Variants in ATP5F1E observed in about 807,000 individuals in gnomAD.
ATP5F1E encodes the protein ATP synthase F1 subunit epsilon.
In ATP5F1E, 5 loss-of-function variants were observed where a neutral mutation model predicts 7.0. The observed-to-expected ratio is 0.71, with a 90% confidence interval of 0.37 to 1.49. ATP5F1E has a LOEUF of 1.49. Ranked by LOEUF, ATP5F1E falls within the 40% of genes most tolerant of loss-of-function variation. The pLI is 0.03. For synonymous variants in ATP5F1E, 20 were observed against 20.1 expected, an observed-to-expected ratio of 0.99 and a Z score of 0.02; for missense variants, 59 against 57.1, an observed-to-expected ratio of 1.03 and a Z score of -0.11.
rs1795388052 is a variant in ATP5F1E, at chr20:59,027,466, G to A, written c.*1379C>T. 1 of 152,040 alleles carries A rather than the reference G, an allele frequency of 6.6e-6. No individual in the cohort carries two copies. Among genetic ancestry groups the A allele is most frequent in the South Asian group, 2.1e-4 (1 of 4,826 alleles). 9.4% of individuals were successfully genotyped at this position (152,040 alleles called of 1,614,324 possible). A position where few individuals can be genotyped will look rare whatever the true frequency, so the allele number is the denominator to read the frequency against. On this transcript the variant is annotated 3_prime_UTR_variant, in exon 3 of 3. Coordinates refer to ENST00000243997, the MANE Select transcript of ATP5F1E (RefSeq NM_006886.4). Reference sequence around the variant, plus strand: ...TACCCCATCTGCCTCCTTAATAAATGACTTATCTCTAATTACTTGACTGGA... The same window carrying A: ...TACCCCATCTGCCTCCTTAATAAATAACTTATCTCTAATTACTTGACTGGA...
rs1411534280 is a variant in ATP5F1E at position 59,027,265 on chromosome 20, C to A, written c.*1580G>T. The stretch of plus-strand genomic sequence containing the variant: ...ACCAATCTACTATGCCATCTATATA[C>A]CAGTAATACCCCATCTGCCTCAACA... On this transcript the variant is annotated 3_prime_UTR_variant, in exon 3 of 3. Coordinates refer to ENST00000243997, the MANE Select transcript of ATP5F1E (RefSeq NM_006886.4). 1.3e-5 allele frequency: 2 copies of A among 152,080 alleles called. No homozygotes were observed. Among genetic ancestry groups the A allele is most frequent in the African/African-American group, 4.8e-5 (2 of 41,370 alleles). 9.4% of individuals were successfully genotyped at this position (152,080 alleles called of 1,614,324 possible).
intron 1 of ATP5F1E, 24 bp downstream of exon 1, chr20:59,032,196 T>C: frequency 6.4e-7 from 1 of 1,564,420 alleles, no homozygotes. Flanking sequence ...CGCGAAGCCC[T>C]TCCCTCTGGA....
chr20:59,032,217 T>TA lies in ATP5F1E; in HGVS notation c.32+2dup. ...GCCCTTCCCTCTGGAGGCCTGGGCCTACCTGAGTCCAGCCTGTCTCCAGTA... is the reference window on the plus strand; with the variant it reads ...GCCCTTCCCTCTGGAGGCCTGGGCCTAACCTGAGTCCAGCCTGTCTCCAGTA... On this transcript the variant is annotated splice_region_variant and intron_variant, in intron 1 of 2. Coordinates refer to ENST00000243997, the MANE Select transcript of ATP5F1E (RefSeq NM_006886.4). 1 of 1,583,614 alleles carries TA rather than the reference T, an allele frequency of 6.3e-7. No homozygotes were observed. Among genetic ancestry groups the TA allele is most frequent in the Non-Finnish European group, 8.6e-7 (1 of 1,166,506 alleles).
At position 59,030,254 on chromosome 20, in the gene ATP5F1E, T is replaced by C. The variant is rs917396312; in HGVS notation, c.*3+49A>G. 1.5e-5 allele frequency: 24 copies of C among 1,606,834 alleles called. No individual in the cohort carries two copies. The Admixed American group carries it at 4.0e-4, about 27-fold the overall frequency. On this transcript the variant is annotated intron_variant, in intron 2 of 2. Transcript: ENST00000243997. ...AAAATTATTTTGATCTTTATGGTGC[T>C]CCAAAAACTTAAGATGCAACTGTTC...
At position 59,026,054 on chromosome 20, in the gene ATP5F1E, T is replaced by G. The variant is rs2146379225; in HGVS notation, c.*2791A>C. 1 of 152,318 alleles carries G rather than the reference T, an allele frequency of 6.6e-6. No homozygotes were observed. The highest frequency in any genetic ancestry group is 1.9e-4 in the East Asian group (1 of 5,188). The allele number at this position is 152,318 out of a possible 1,614,324, so 9.4% of individuals were successfully genotyped here. On this transcript the variant is annotated 3_prime_UTR_variant, in exon 3 of 3. Transcript: ENST00000243997. ...TGGATAACCGGTAATGGGAAAATGC[T>G]CCGACCCTCAATGCAGTAAATATTT...
rs549419515 is a variant in ATP5F1E, at chr20:59,031,715, G to C, written c.32+505C>G. ...TGGCTTTCACCCCTTTTAGACATAA[G>C]GAAACCTGAAATCAACAGGACTTAA... On this transcript the variant is annotated intron_variant, in intron 1 of 2. Transcript: ENST00000243997. Among the ~76,000 whole-genome samples, 32 of 152,138 alleles carry C rather than the reference G, an allele frequency of 2.1e-4. No individual in the cohort carries two copies. The South Asian group carries it at 5.8e-3, about 28-fold the overall frequency.
At chr20:59,030,200 T>G in intron 2 of ATP5F1E, 103 bp downstream of exon 2, 17 of 1,458,410 alleles carry the variant, frequency 1.2e-5, no homozygotes, top group Non-Finnish European at 1.3e-5. Context: ...CCAAATACAC[T>G]GACTAAAAAA....
rs1274289353 is a variant in ATP5F1E, at chr20:59,026,177, C to T, written c.*2668G>A. The T allele has an allele frequency of 6.6e-6, 1 of 152,192 alleles. No individual in the cohort carries two copies. The highest frequency in any genetic ancestry group is 6.5e-5 in the Admixed American group (1 of 15,286). The allele number at this position is 152,192 out of a possible 1,614,324, so 9.4% of individuals were successfully genotyped here. On this transcript the variant is annotated 3_prime_UTR_variant, in exon 3 of 3. Coordinates refer to ENST00000243997, the MANE Select transcript of ATP5F1E (RefSeq NM_006886.4). ...GATGACAGTTGCTCATTCTGAGAAACTTCACTCTTTTCACTTATGCATCAC... is the reference window on the plus strand; with the variant it reads ...GATGACAGTTGCTCATTCTGAGAAATTTCACTCTTTTCACTTATGCATCAC...
intron 2 of ATP5F1E, 153 bp from the exon 3 acceptor site, chr20:59,028,994 C>A (rs757883505): frequency 6.5e-6 from 1 of 154,302 alleles, no homozygotes; most frequent in African/African-American, 2.4e-5. Flanking sequence ...AGTGCTGGTT[C>A]AAGTACACAG....
In ATP5F1E at chr20:59,032,294, G is replaced by A. The variant is rs1403787722; in HGVS notation, c.-43C>T. 2.5e-6 allele frequency: 4 copies of A among 1,588,692 alleles called. No homozygotes were observed. The highest frequency in any genetic ancestry group is 1.3e-5 in the African/African-American group (1 of 74,686). On this transcript the variant is annotated 5_prime_UTR_variant, in exon 1 of 3. Coordinates refer to ENST00000243997, the MANE Select transcript of ATP5F1E (RefSeq NM_006886.4). ...GCTCGTCGGGCCGAATCGCCAAGACGCCGGCAATGTCGGCTCAGCCGGGCG... is the reference window on the plus strand; with the variant it reads ...GCTCGTCGGGCCGAATCGCCAAGACACCGGCAATGTCGGCTCAGCCGGGCG...
Position 59,026,439 on chromosome 20 carries a change from C to T in ATP5F1E, c.*2406G>A, listed in dbSNP as rs542298649. 6.6e-6 allele frequency: 1 copy of T among 152,354 alleles called. No homozygotes were observed. Among genetic ancestry groups the T allele is most frequent in the South Asian group, 2.1e-4 (1 of 4,826 alleles). 9.4% of individuals were successfully genotyped at this position (152,354 alleles called of 1,614,324 possible). The stretch of plus-strand genomic sequence containing the variant: ...GCCTGCGATTATACAAGGATTTACA[C>T]ATGCTTCCTCTGGTGCTTTACTTCC... On this transcript the variant is annotated 3_prime_UTR_variant, in exon 3 of 3. Coordinates refer to ENST00000243997, the MANE Select transcript of ATP5F1E (RefSeq NM_006886.4).
intron 1 of ATP5F1E, among the ~76,000 whole-genome samples, chr20:59,031,757 T>A (rs556624144): frequency 1.8e-4 from 28 of 151,834 alleles, no homozygotes; most frequent in Admixed American, 7.2e-4. Flanking sequence ...AAAAAAAAAA[T>A]GTGTAAAGTT....
At chr20:59,029,788 T>C (rs766369441) in intron 2 of ATP5F1E, 12 of 173,872 alleles carry the variant, frequency 6.9e-5, no homozygotes, top group Non-Finnish European at 1.4e-4. Context: ...CAGTATTCGC[T>C]GCGGGGTCTT....
intron 1 of ATP5F1E, 87 bp from the exon 2 acceptor site, chr20:59,030,516 CT>C: frequency 6.5e-7 from 1 of 1,546,328 alleles, no homozygotes; most frequent in Non-Finnish European, 8.9e-7. Context: ...TCTTCCTGTA[CT>C]TTTTATTTTG....
At chr20:59,031,496 A>T (rs751014063) in intron 1 of ATP5F1E, among the ~76,000 whole-genome samples, 4 of 152,218 alleles carry the variant, frequency 2.6e-5, no homozygotes, top group Non-Finnish European at 5.9e-5. Flanking sequence ...TACACCATCC[A>T]GTCAACTAAC....
Position 59,025,801 on chromosome 20 carries a change from T to G in ATP5F1E, c.*3044A>C, listed in dbSNP as rs2091991324. 6.6e-6 allele frequency: 1 copy of G among 152,260 alleles called. No homozygotes were observed. Among genetic ancestry groups the G allele is most frequent in the South Asian group, 2.1e-4 (1 of 4,836 alleles). The allele number at this position is 152,260 out of a possible 1,614,324, so 9.4% of individuals were successfully genotyped here. A position where few individuals can be genotyped will look rare whatever the true frequency, so the allele number is the denominator to read the frequency against. ...GGAACTTTTACAGTTCAAATTAATT[T>G]GCAGAAGTTGCCATAAATGTTTGCA... On this transcript the variant is annotated 3_prime_UTR_variant, in exon 3 of 3. Transcript: ENST00000243997.
chr20:59,026,208 A>G lies in ATP5F1E; in HGVS notation c.*2637T>C, dbSNP rs2091993674. ...TCTTTTCACTTATGCATCACGAGGAAATAACTAAAATACATACCAAGAGAA... is the reference window on the plus strand; with the variant it reads ...TCTTTTCACTTATGCATCACGAGGAGATAACTAAAATACATACCAAGAGAA... On this transcript the variant is annotated 3_prime_UTR_variant, in exon 3 of 3. Coordinates refer to ENST00000243997, the MANE Select transcript of ATP5F1E (RefSeq NM_006886.4). 6.6e-6 allele frequency: 1 copy of G among 152,244 alleles called. No homozygotes were observed. The highest frequency in any genetic ancestry group is 6.5e-5 in the Admixed American group (1 of 15,292). The allele number at this position is 152,244 out of a possible 1,614,324, so 9.4% of individuals were successfully genotyped here.
Position 59,032,297 on chromosome 20 carries a change from G to C in ATP5F1E, c.-46C>G, listed in dbSNP as rs374732925. Reference sequence around the variant, plus strand: ...CGTCGGGCCGAATCGCCAAGACGCCGGCAATGTCGGCTCAGCCGGGCGGTT... The same window carrying C: ...CGTCGGGCCGAATCGCCAAGACGCCCGCAATGTCGGCTCAGCCGGGCGGTT... On this transcript the variant is annotated 5_prime_UTR_variant, in exon 1 of 3. Coordinates refer to ENST00000243997, the MANE Select transcript of ATP5F1E (RefSeq NM_006886.4). The C allele has an allele frequency of 5.0e-6, 8 of 1,584,250 alleles. No individual in the cohort carries two copies. The highest frequency in any genetic ancestry group is 6.9e-6 in the Non-Finnish European group (8 of 1,165,260).
chr20:59,026,866 C>T lies in ATP5F1E; in HGVS notation c.*1979G>A, dbSNP rs762263971. The T allele has an allele frequency of 3.3e-5, 5 of 152,176 alleles. No individual in the cohort carries two copies. Among genetic ancestry groups the T allele is most frequent in the East Asian group, 1.9e-4 (1 of 5,200 alleles). 9.4% of individuals were successfully genotyped at this position (152,176 alleles called of 1,614,324 possible). A position where few individuals can be genotyped will look rare whatever the true frequency, so the allele number is the denominator to read the frequency against. On this transcript the variant is annotated 3_prime_UTR_variant, in exon 3 of 3. Coordinates refer to ENST00000243997, the MANE Select transcript of ATP5F1E (RefSeq NM_006886.4). ...GCATCACCGAAATTTAGAGCTTATC[C>T]GATTCCTTCACTTTGCTCACAAGAA...
Sources: gnomAD v4.1 joint callset for allele counts (sites outside exome capture counted in the v4.1 genomes callset) on GRCh38, gnomAD v4.1.1 for gene constraint, MANE v1.5 for transcripts, NCBI Gene and HGNC (gene_info 2026-07-23, HGNC 2026-07-21) for gene names.